MAML2: variants seen among roughly 807,000 people sequenced by gnomAD.
MAML2 encodes mastermind-like protein 2.
MAML2 carries 22 observed loss-of-function variants against 96.1 expected under a neutral mutation model. The observed-to-expected ratio is 0.23, with a 90% CI of 0.16 to 0.33. The LOEUF (loss-of-function observed/expected upper bound fraction) is 0.33. MAML2 is among the 10% of genes least tolerant of loss of function. The pLI is 1.00. For missense variants in MAML2, 1,367 were observed against 1,392.4 expected, an observed-to-expected ratio of 0.98 and a Z score of 0.29; for synonymous variants, 561 against 521.3, an observed-to-expected ratio of 1.08 and a Z score of -1.04.
At position 96,119,958 on chromosome 11, in the gene MAML2, A is replaced by ATTTTTT. The variant is rs55920936; in HGVS notation, c.514-26447_514-26442dup. ...AATATATATTTGCGAGAAGATTCAG[A>ATTTTTT]TTTTTTTTTTTTTTTTTGAGACGGA... On this transcript the variant is annotated intron_variant, in intron 1 of 4. Transcript: ENST00000524717. Among the ~76,000 whole-genome samples the ATTTTTT allele has an allele frequency of 1.6e-4, 22 of 135,866 alleles. 3 individuals are homozygous for ATTTTTT. The highest frequency in any genetic ancestry group is 3.6e-4 in the African/African-American group (13 of 36,156). The allele number at this position is 135,866 out of a possible 152,430, so 89.1% of individuals were successfully genotyped here. A position where few individuals can be genotyped will look rare whatever the true frequency, so the allele number is the denominator to read the frequency against.
chr11:96,083,633 G>C (rs1591001824), intron 2 of MAML2, among the ~76,000 whole-genome samples: 5 of 152,332 alleles, frequency 3.3e-5, no homozygotes, highest in Admixed American at 3.3e-4. Context: ...CTTCTGTTGG[G>C]GGAGGGGATG....
In MAML2 at chr11:95,983,210, G is replaced by C. The variant is rs558504063; in HGVS notation, c.2455+2321C>G. The stretch of plus-strand genomic sequence containing the variant: ...GGATGACAGTGATATTGATGATCCT[G>C]ACCCTGTGCAGGCCTAGGCTAATGT... On this transcript the variant is annotated intron_variant, in intron 4 of 4. Transcript: ENST00000524717. Among the ~76,000 whole-genome samples the C allele has an allele frequency of 1.2e-4, 18 of 152,244 alleles. No homozygotes were observed. In the South Asian group the frequency reaches 1.7e-3, roughly 14 times the overall value.
chr11:96,159,829 A>G (rs1456055110), intron 1 of MAML2, among the ~76,000 whole-genome samples: 1 of 152,142 alleles, frequency 6.6e-6, no homozygotes. Context: ...GGAAATTTGC[A>G]TTGCTATTAA....
Position 96,341,408 on chromosome 11 carries a change from T to A in MAML2, c.488A>T (p.Asp163Val). 6.5e-7 allele frequency: 1 copy of A among 1,538,732 alleles called. No homozygotes were observed. The highest frequency in any genetic ancestry group is 8.8e-7 in the Non-Finnish European group (1 of 1,139,332). Reference sequence around the variant, plus strand: ...CGCAATCAGGGCTGAGTTCCTCTGGTCCCCTGGGGTTGAAGCGGGCGGCTG... The same window carrying A: ...CGCAATCAGGGCTGAGTTCCTCTGGACCCCTGGGGTTGAAGCGGGCGGCTG... The part of the protein sequence containing the change: ...EQQPPASTPG[D>V]QRNSALIALQ... Residue 163 changes from aspartate to valine, a missense_variant, in exon 1 of 5, where the codon GAC becomes GTC. By Grantham distance (152) the Asp-to-Val change is radical. Coordinates refer to ENST00000524717, the MANE Select transcript of MAML2 (RefSeq NM_032427.4).
chr11:96,062,028 A>G, intron 2 of MAML2, among the ~76,000 whole-genome samples: 1 of 152,222 alleles, frequency 6.6e-6, no homozygotes, highest in East Asian at 1.9e-4. Flanking sequence ...TATAGAAAAA[A>G]GTGCATATTT....
chr11:96,084,387 T>C (rs1194417872), intron 2 of MAML2, among the ~76,000 whole-genome samples: 1 of 152,078 alleles, frequency 6.6e-6, no homozygotes, highest in African/African-American at 2.4e-5. Context: ...GGCAGGCCAG[T>C]TAGCAAGCAT....
At chr11:95,989,058 G>A (rs546613715) in intron 3 of MAML2, among the ~76,000 whole-genome samples, 1 of 152,190 alleles carries the variant, frequency 6.6e-6, no homozygotes, top group Non-Finnish European at 1.5e-5. Context: ...TACACAATGC[G>A]TGTTGGTAAT....
At chr11:96,312,006 C>T (rs892995141) in intron 1 of MAML2, among the ~76,000 whole-genome samples, 2 of 151,734 alleles carry the variant, frequency 1.3e-5, no homozygotes, top group Admixed American at 6.6e-5. Context: ...TTTGGGAGGC[C>T]GAGGCAGGTT....
At chr11:95,980,448 T>C (rs1190267813) in intron 4 of MAML2, among the ~76,000 whole-genome samples, 1 of 152,170 alleles carries the variant, frequency 6.6e-6, no homozygotes, top group Non-Finnish European at 1.5e-5. Flanking sequence ...TCCCATTCTT[T>C]GAATCATCCC....
chr11:96,152,874 C>T (rs1369313874), intron 1 of MAML2, among the ~76,000 whole-genome samples: 1 of 152,156 alleles, frequency 6.6e-6, no homozygotes, highest in African/African-American at 2.4e-5. Context: ...AAGCAGCCTG[C>T]CTGCCAGAAT....
intron 1 of MAML2, among the ~76,000 whole-genome samples, chr11:96,109,925 G>A (rs560926797): frequency 1.3e-5 from 2 of 152,168 alleles, no homozygotes; most frequent in Non-Finnish European, 2.9e-5. Flanking sequence ...GGATTGCAAG[G>A]AACAAGAAGA....
intron 1 of MAML2, among the ~76,000 whole-genome samples, chr11:96,188,520 C>T (rs75412844): frequency 0.011 from 1,649 of 152,282 alleles, 39 homozygotes; most frequent in African/African-American, 0.038. Flanking sequence ...AAAGAGAAAG[C>T]CTGTATGTCC....
chr11:96,015,596 C>T (rs1182237466), intron 2 of MAML2, among the ~76,000 whole-genome samples: 1 of 72,222 alleles, frequency 1.4e-5, no homozygotes, highest in Non-Finnish European at 2.9e-5. Context: ...GGGGGGGGGG[C>T]AATTCATGAA....
intron 1 of MAML2, among the ~76,000 whole-genome samples, chr11:96,316,191 T>C (rs2136007600): frequency 6.6e-6 from 1 of 152,288 alleles, no homozygotes; most frequent in East Asian, 1.9e-4. Flanking sequence ...TACCCTATCT[T>C]CTGGAATAGA....
At chr11:96,151,325 G>A (rs991423462) in intron 1 of MAML2, among the ~76,000 whole-genome samples, 2 of 152,178 alleles carry the variant, frequency 1.3e-5, no homozygotes, top group Admixed American at 1.3e-4. Flanking sequence ...CCATCATTGG[G>A]CATCCAAAAT....
intron 1 of MAML2, among the ~76,000 whole-genome samples, chr11:96,249,897 A>G (rs1291487088): frequency 6.6e-6 from 1 of 152,188 alleles, no homozygotes; most frequent in Non-Finnish European, 1.5e-5. Context: ...TTAGAATAAG[A>G]CCAAATCTTC....
At chr11:96,334,244 C>A (rs768096151) in intron 1 of MAML2, among the ~76,000 whole-genome samples, 2 of 152,200 alleles carry the variant, frequency 1.3e-5, no homozygotes, top group African/African-American at 4.8e-5. Context: ...ACTGGAAACA[C>A]AATTCTGGGC....
Position 96,121,950 on chromosome 11 carries a change from C to CTTTTTTTTTTTTTTTTT in MAML2, c.514-28450_514-28434dup, listed in dbSNP as rs71040130. Among the ~76,000 whole-genome samples, 23 of 56,848 alleles carry CTTTTTTTTTTTTTTTTT rather than the reference C, an allele frequency of 4.0e-4. 1 individual carries two copies. Among genetic ancestry groups the CTTTTTTTTTTTTTTTTT allele is most frequent in the East Asian group, 5.8e-4 (1 of 1,734 alleles). 37.3% of individuals were successfully genotyped at this position (56,848 alleles called of 152,430 possible). ...TACAGGCACCCGCCACCACGCCCGG[C>CTTTTTTTTTTTTTTTTT]TTTTTTTTTTTTTTTTTTTTTTTTT... On this transcript the variant is annotated intron_variant, in intron 1 of 4. Coordinates refer to ENST00000524717, the MANE Select transcript of MAML2 (RefSeq NM_032427.4).
At chr11:96,006,098 A>C (rs1565187573) in intron 2 of MAML2, among the ~76,000 whole-genome samples, 1 of 152,204 alleles carries the variant, frequency 6.6e-6, no homozygotes, top group Admixed American at 6.5e-5. Flanking sequence ...GGACATTAGA[A>C]AAGGAGCCAT....
Sources: gnomAD v4.1 joint callset for allele counts (sites outside exome capture counted in the v4.1 genomes callset) on GRCh38, gnomAD v4.1.1 for gene constraint, MANE v1.5 for transcripts, NCBI Gene and HGNC (gene_info 2026-07-23, HGNC 2026-07-21) for gene names.